Variants in GFM1 observed in about 807,000 individuals in gnomAD.
GFM1 encodes the protein elongation factor G, mitochondrial.
Under a neutral mutation model 96.2 loss-of-function variants are expected in GFM1, and 62 were observed. The ratio of observed to expected loss-of-function variants is 0.64; its 90% CI spans 0.53 to 0.80. GFM1 has a LOEUF of 0.80. GFM1 is among the 30% of genes least tolerant of loss of function. The pLI is 0.00. For synonymous variants in GFM1, 282 were observed against 312.9 expected, an observed-to-expected ratio of 0.90 and a Z score of 1.04; for missense variants, 852 against 916.6, an observed-to-expected ratio of 0.93 and a Z score of 0.91.
intron 5 of GFM1, chr3:158,649,889 G>A (rs1262690846): frequency 5.0e-6 from 4 of 807,250 alleles, no homozygotes; most frequent in Non-Finnish European, 8.0e-6. Context: ...AGTTGATGCT[G>A]CTCTTACAGG....
At chr3:158,657,825 A>C (rs911344814) in intron 8 of GFM1, among the ~76,000 whole-genome samples, 2 of 152,048 alleles carry the variant, frequency 1.3e-5, no homozygotes, top group African/African-American at 2.4e-5. Context: ...CTATTGACAA[A>C]TATATTTTAT....
chr3:158,665,520 CTG>C (rs771049485), intron 12 of GFM1, 46 bp downstream of exon 12: 1 of 1,516,632 alleles, frequency 6.6e-7, no homozygotes, highest in Non-Finnish European at 9.1e-7. Flanking sequence ...TTATTACTGT[CTG>C]TTTCATTAAA....
chr3:158,683,999 C>T (rs1230279437), intron 14 of GFM1, among the ~76,000 whole-genome samples: 1 of 152,142 alleles, frequency 6.6e-6, no homozygotes, highest in Non-Finnish European at 1.5e-5. Flanking sequence ...GGTACAAACA[C>T]ACCAATACTA....
At position 158,694,588 on chromosome 3, in the gene GFM1, G is replaced by A. The variant is rs1726484225; in HGVS notation, c.*3121G>A. ...ATCAACCCCTGAACTTAAAGAGATGGGGTCTCGCTGTGTTTCCCAGGCTGC... is the reference window on the plus strand; with the variant it reads ...ATCAACCCCTGAACTTAAAGAGATGAGGTCTCGCTGTGTTTCCCAGGCTGC... On this transcript the variant is annotated 3_prime_UTR_variant, in exon 18 of 18. Transcript: ENST00000486715. 6.6e-6 allele frequency among the ~76,000 whole-genome samples: 1 copy of A among 152,128 alleles called. No homozygotes were observed. Among genetic ancestry groups the A allele is most frequent in the Non-Finnish European group, 1.5e-5 (1 of 68,028 alleles).
rs542899527 is a variant in GFM1 at position 158,694,257 on chromosome 3, A to G, written c.*2790A>G. ...TGGAATACTATGCAGCCATAAAAAA[A>G]GAATGAGATCAAGTCCTTTGCAGGG... On this transcript the variant is annotated 3_prime_UTR_variant, in exon 18 of 18. Coordinates refer to ENST00000486715, the MANE Select transcript of GFM1 (RefSeq NM_024996.7). 2.6e-5 allele frequency among the ~76,000 whole-genome samples: 4 copies of G among 151,838 alleles called. No individual in the cohort carries two copies. The South Asian group carries it at 8.3e-4, about 32-fold the overall frequency.
chr3:158,662,351 T>C (rs1293899186), intron 10 of GFM1, among the ~76,000 whole-genome samples: 3 of 152,244 alleles, frequency 2.0e-5, no homozygotes, highest in African/African-American at 7.2e-5. Flanking sequence ...GGATTAATTG[T>C]AGTGATTATG....
chr3:158,669,320 C>CA lies in GFM1; in HGVS notation c.1601+2938dup, dbSNP rs565350198. 6.4e-6 allele frequency: 8 copies of CA among 1,251,084 alleles called. No individual in the cohort carries two copies. In the South Asian group the frequency reaches 1.2e-4, roughly 19 times the overall value. 77.5% of individuals were successfully genotyped at this position (1,251,084 alleles called of 1,614,324 possible). On this transcript the variant is annotated intron_variant, in intron 13 of 17. Coordinates refer to ENST00000486715, the MANE Select transcript of GFM1 (RefSeq NM_024996.7). ...ATTGGATTAGAAATGAGTATTTTTGCAAAAGCCTGTAAGTTTCTAACATAC... is the reference window on the plus strand; with the variant it reads ...ATTGGATTAGAAATGAGTATTTTTGCAAAAAGCCTGTAAGTTTCTAACATAC...
chr3:158,658,717 G>A (rs538243047), intron 8 of GFM1, among the ~76,000 whole-genome samples: 1 of 152,296 alleles, frequency 6.6e-6, no homozygotes, highest in East Asian at 1.9e-4. Flanking sequence ...CTTAGATTGT[G>A]ATACCAAAAG....
chr3:158,668,933 G>A, intron 13 of GFM1: 3 of 1,402,044 alleles, frequency 2.1e-6, no homozygotes, highest in Non-Finnish European at 2.9e-6. Context: ...ATCCAATTAT[G>A]AATTACAATA....
At position 158,694,013 on chromosome 3, in the gene GFM1, A is replaced by G. The variant is rs1166340423; in HGVS notation, c.*2546A>G. Among the ~76,000 whole-genome samples, 1 of 151,552 alleles carries G rather than the reference A, an allele frequency of 6.6e-6. No homozygotes were observed. The highest frequency in any genetic ancestry group is 1.5e-5 in the Non-Finnish European group (1 of 67,932). ...TAGAGTTTGGTTTTTTTGTTTAACA[A>G]CTGTTTTTTTTTTTAAGAGATGGGG... On this transcript the variant is annotated 3_prime_UTR_variant, in exon 18 of 18. Transcript: ENST00000486715.
intron 13 of GFM1, among the ~76,000 whole-genome samples, chr3:158,670,761 C>T (rs1724208680): frequency 6.6e-6 from 1 of 152,046 alleles, no homozygotes; most frequent in African/African-American, 2.4e-5. Context: ...CTTTGGGAGG[C>T]AGAGGCAGGA....
chr3:158,681,488 T>TATTAATTA (rs1725378466), intron 13 of GFM1, among the ~76,000 whole-genome samples: 1 of 152,228 alleles, frequency 6.6e-6, no homozygotes, highest in Non-Finnish European at 1.5e-5. Flanking sequence ...CCACCGATCA[T>TATTAATTA]TTTCAGATAT....
intron 6 of GFM1, 41 bp downstream of exon 6, chr3:158,652,287 G>T: frequency 6.3e-7 from 1 of 1,584,072 alleles, no homozygotes; most frequent in South Asian, 1.1e-5. Context: ...ACAACAAAAA[G>T]AAGTCGTTTG....
rs1723678126 is a variant in GFM1 at position 158,666,334 on chromosome 3, A to T, written c.1549A>T (p.Ile517Phe). 2 of 1,613,714 alleles carry T rather than the reference A, an allele frequency of 1.2e-6. No individual in the cohort carries two copies. Among genetic ancestry groups the T allele is most frequent in the Non-Finnish European group, 1.7e-6 (2 of 1,179,758 alleles). ...RLEREYGCPC[I>F]TGKPKVAFRE... ...GGAAAGAGAGTATGGCTGTCCTTGT[A>T]TCACAGGAAAGCCAAAAGTTGCCTT... is the stretch of plus-strand genomic sequence containing the variant. Residue 517 changes from isoleucine (I) to phenylalanine (F), a missense_variant, in exon 13 of 18, where the codon ATC becomes TTC. Ile to Phe is a conservative substitution (Grantham distance 21). Coordinates refer to ENST00000486715, the MANE Select transcript of GFM1 (RefSeq NM_024996.7).
intron 9 of GFM1, among the ~76,000 whole-genome samples, chr3:158,660,112 G>T (rs1264068250): frequency 6.6e-6 from 1 of 152,092 alleles, no homozygotes; most frequent in Non-Finnish European, 1.5e-5. Context: ...TTTTAGTACA[G>T]TGGGCTCCAT....
chr3:158,675,572 C>T (rs1305619296), intron 13 of GFM1, among the ~76,000 whole-genome samples: 1 of 151,802 alleles, frequency 6.6e-6, no homozygotes, highest in Non-Finnish European at 1.5e-5. Flanking sequence ...ATATATTGAT[C>T]AAATGGGCCA....
intron 15 of GFM1, among the ~76,000 whole-genome samples, chr3:158,687,346 A>G (rs1220472204): frequency 1.3e-5 from 2 of 152,096 alleles, no homozygotes; most frequent in Non-Finnish European, 2.9e-5. Context: ...TACTATGCAC[A>G]CAAGCAGGAT....
In GFM1 at chr3:158,684,578, C is replaced by CT; in HGVS notation, c.1820dup (p.Arg608ProfsTer13). The CT allele has an allele frequency of 6.2e-7, 1 of 1,614,080 alleles. No individual in the cohort carries two copies. Among genetic ancestry groups the CT allele is most frequent in the Non-Finnish European group, 8.5e-7 (1 of 1,179,964 alleles). On this transcript the variant is annotated frameshift_variant, in exon 15 of 18. Coordinates refer to ENST00000486715, the MANE Select transcript of GFM1 (RefSeq NM_024996.7). LOFTEE classifies it high-confidence loss of function. ...TCTTTCTGGTCACAAGCTCTCTGGG[C>CT]TCCGGTTTGTCCTGCAAGATGGAGC...
Position 158,669,033 on chromosome 3 carries a change from C to T in GFM1, c.1601+2647C>T. 2 of 1,613,204 alleles carry T rather than the reference C, an allele frequency of 1.2e-6. 1 individual carries two copies. Among genetic ancestry groups the T allele is most frequent in the South Asian group, 2.2e-5 (2 of 90,906 alleles). On this transcript the variant is annotated intron_variant, in intron 13 of 17. Coordinates refer to ENST00000486715, the MANE Select transcript of GFM1 (RefSeq NM_024996.7). ...AGTTTGAATTTTTACCATTTTATAC[C>T]ATGTGTCTTCAGTAGAATTTTGCCA... is the stretch of plus-strand genomic sequence containing the variant.
Sources: allele counts gnomAD v4.1 joint callset (sites outside exome capture counted in the v4.1 genomes callset), GRCh38; gene constraint gnomAD v4.1.1; transcripts MANE v1.5; gene names NCBI Gene and HGNC (gene_info 2026-07-23, HGNC 2026-07-21).